The following CFDP1 variants were observed in gnomAD, a reference collection of about 807,000 sequenced individuals.
The protein encoded by CFDP1 is heterochromatin-stabilizing protein CFDP1.
CFDP1 carries 31 observed loss-of-function variants against 40.1 expected under a neutral mutation model. The observed-to-expected ratio is 0.77, with a 90% CI of 0.58 to 1.04. CFDP1 has a LOEUF of 1.04. CFDP1 is among the 50% of genes least tolerant of loss of function. The pLI, the probability that CFDP1 is intolerant of heterozygous loss-of-function variation, is 0.00. For synonymous variants in CFDP1, 167 were observed against 120.0 expected (o/e 1.39, Z -2.56); for missense variants, 423 against 343.4 (o/e 1.23, Z -1.83).
intron 5 of CFDP1, among the ~76,000 whole-genome samples, chr16:75,367,644 T>C (rs1170296786): frequency 9.9e-5 from 15 of 151,384 alleles, no homozygotes; most frequent in Admixed American, 9.9e-4. Flanking sequence ...AATACAAAAA[T>C]TAGCCGGTCG....
chr16:75,319,282 T>G (rs897654327), intron 5 of CFDP1, among the ~76,000 whole-genome samples: 2 of 152,048 alleles, frequency 1.3e-5, no homozygotes, highest in Non-Finnish European at 2.9e-5. Context: ...GACCTTATAA[T>G]CCACCTACCT....
rs546665059 is a variant in CFDP1, at chr16:75,428,960, T to C, written c.64+4329A>G. ...TGAAATCCCGTCTCTACTATAAAAA[T>C]ACAAAAATTAGCCAGGCGTGGTGGC... On this transcript the variant is annotated intron_variant, in intron 1 of 6. Coordinates refer to ENST00000283882, the MANE Select transcript of CFDP1 (RefSeq NM_006324.3). Among the ~76,000 whole-genome samples the C allele has an allele frequency of 4.0e-5, 6 of 150,244 alleles. No homozygotes were observed. In the East Asian group the frequency reaches 1.2e-3, roughly 30 times the overall value.
At chr16:75,330,907 G>T (rs566431428) in intron 5 of CFDP1, among the ~76,000 whole-genome samples, 116 of 150,210 alleles carry the variant, frequency 7.7e-4, no homozygotes, top group African/African-American at 2.9e-3. Context: ...TCTGAAGGCT[G>T]CCTCTGAGGC....
At chr16:75,432,457 G>T (rs985271389) in intron 1 of CFDP1, among the ~76,000 whole-genome samples, 3 of 151,240 alleles carry the variant, frequency 2.0e-5, no homozygotes, top group Non-Finnish European at 4.4e-5. Context: ...AGGCTGAGAC[G>T]GGAGGATCGC....
chr16:75,331,145 C>G (rs554164681), intron 5 of CFDP1, among the ~76,000 whole-genome samples: 1 of 152,178 alleles, frequency 6.6e-6, no homozygotes, highest in Non-Finnish European at 1.5e-5. Context: ...CTCTCCACAT[C>G]AGAATTCGTG....
intron 5 of CFDP1, among the ~76,000 whole-genome samples, chr16:75,312,632 T>C (rs1446397882): frequency 6.6e-6 from 1 of 152,244 alleles, no homozygotes; most frequent in Non-Finnish European, 1.5e-5. Context: ...AAGTCCTGAA[T>C]TCTAGTATCT....
intron 5 of CFDP1, among the ~76,000 whole-genome samples, chr16:75,316,274 T>C (rs1348074302): frequency 6.6e-6 from 1 of 152,236 alleles, no homozygotes; most frequent in Non-Finnish European, 1.5e-5. Context: ...AATTAATTTG[T>C]AATTCATGTA....
At chr16:75,394,948 G>C in intron 5 of CFDP1, 142 bp downstream of exon 5, 1 of 1,045,332 alleles carries the variant, frequency 9.6e-7, no homozygotes, top group Non-Finnish European at 1.3e-6. Flanking sequence ...CTTCCATTCT[G>C]GTAAATATTG....
intron 5 of CFDP1, among the ~76,000 whole-genome samples, chr16:75,392,203 A>C (rs138449165): frequency 8.1e-4 from 123 of 152,164 alleles, no homozygotes; most frequent in African/African-American, 2.8e-3. Flanking sequence ...CAGGAGTTCA[A>C]GACTAGCCTG....
At chr16:75,430,362 G>C (rs2079397185) in intron 1 of CFDP1, among the ~76,000 whole-genome samples, 1 of 152,034 alleles carries the variant, frequency 6.6e-6, no homozygotes, top group Non-Finnish European at 1.5e-5. Flanking sequence ...GTACAGACAG[G>C]GTTTCACTAT....
intron 6 of CFDP1, among the ~76,000 whole-genome samples, chr16:75,298,274 C>G (rs567611224): frequency 6.6e-6 from 1 of 152,200 alleles, no homozygotes; most frequent in Non-Finnish European, 1.5e-5. Flanking sequence ...AAGGGATATT[C>G]AACCTGTATC....
At chr16:75,357,848 CTGTT>C (rs1049775387) in intron 5 of CFDP1, among the ~76,000 whole-genome samples, 1 of 152,216 alleles carries the variant, frequency 6.6e-6, no homozygotes, top group Non-Finnish European at 1.5e-5. Context: ...ACTTGGCTAA[CTGTT>C]TGGTACAAGA....
chr16:75,394,685 A>G (rs2078981808), intron 5 of CFDP1: 1 of 43,402 alleles, frequency 2.3e-5, no homozygotes, highest in Non-Finnish European at 6.5e-5. Context: ...TTTTTTTAAG[A>G]GACAGGATCT....
intron 5 of CFDP1, among the ~76,000 whole-genome samples, chr16:75,329,848 T>C (rs1037489807): frequency 4.1e-4 from 62 of 152,348 alleles, no homozygotes; most frequent in Admixed American, 1.4e-3. Context: ...GCAACCATGC[T>C]GATGCTAGGG....
chr16:75,429,604 G>A (rs887611283), intron 1 of CFDP1, among the ~76,000 whole-genome samples: 1 of 152,214 alleles, frequency 6.6e-6, no homozygotes, highest in African/African-American at 2.4e-5. Context: ...AGTGAGCCAA[G>A]ATCACGCTAC....
At chr16:75,420,111 C>CAAAAAAAA (rs10706144) in intron 1 of CFDP1, among the ~76,000 whole-genome samples, 10 of 62,624 alleles carry the variant, frequency 1.6e-4, no homozygotes, top group Non-Finnish European at 2.4e-4. Context: ...ACCTTCATCT[C>CAAAAAAAA]AAAAAAAAAA....
At chr16:75,295,624 G>A (rs2078176860) in intron 6 of CFDP1, among the ~76,000 whole-genome samples, 4 of 152,204 alleles carry the variant, frequency 2.6e-5, no homozygotes, top group Non-Finnish European at 5.9e-5. Flanking sequence ...TCTGGCTCAG[G>A]TACTAAGCTG....
intron 5 of CFDP1, among the ~76,000 whole-genome samples, chr16:75,316,712 G>A (rs1205387513): frequency 1.3e-5 from 2 of 151,992 alleles, no homozygotes; most frequent in East Asian, 1.9e-4. Flanking sequence ...GCTCACGCCT[G>A]TAATCCTAGC....
chr16:75,323,905 T>G (rs2078384616), intron 5 of CFDP1, among the ~76,000 whole-genome samples: 2 of 152,328 alleles, frequency 1.3e-5, no homozygotes, highest in South Asian at 2.1e-4. Context: ...ACGAGTGGTG[T>G]GTGACTGTAT....
Sources: allele counts gnomAD v4.1 joint callset (sites outside exome capture counted in the v4.1 genomes callset), GRCh38; gene constraint gnomAD v4.1.1; transcripts MANE v1.5; gene names NCBI Gene and HGNC (gene_info 2026-07-23, HGNC 2026-07-21).